Variants in CSMD1 observed in about 807,000 individuals in gnomAD.
The protein encoded by CSMD1 is CUB and sushi domain-containing protein 1.
Under a neutral mutation model 417.5 loss-of-function variants are expected in CSMD1, and 213 were observed. The ratio of observed to expected loss-of-function variants is 0.51; its 90% confidence interval spans 0.46 to 0.57. The LOEUF (loss-of-function observed/expected upper bound fraction) is 0.57. Among genes scored for constraint, CSMD1 ranks in the 20% least tolerant of loss-of-function variants. CSMD1 has a pLI of 0.00. For missense variants in CSMD1, 6,923 were observed against 4,529.7 expected, an observed-to-expected ratio of 1.53 and a Z score of -15.17; for synonymous variants, 2,862 against 1,736.8, an observed-to-expected ratio of 1.65 and a Z score of -16.11.
chr8:3,650,661 A>G (rs1260576529), intron 7 of CSMD1, among the ~76,000 whole-genome samples: 3 of 152,354 alleles, frequency 2.0e-5, no homozygotes, highest in South Asian at 2.1e-4. Context: ...CCATCACGCT[A>G]TGAGAACTGT....
At chr8:3,046,350 A>G (rs1811442191) in intron 50 of CSMD1, among the ~76,000 whole-genome samples, 1 of 152,028 alleles carries the variant, frequency 6.6e-6, no homozygotes, top group South Asian at 2.1e-4. Context: ...GTTACAGGAG[A>G]TACCTGTACG....
At chr8:3,610,812 G>A (rs1341182112) in intron 8 of CSMD1, among the ~76,000 whole-genome samples, 3 of 152,058 alleles carry the variant, frequency 2.0e-5, no homozygotes, top group Non-Finnish European at 2.9e-5. Context: ...TGGAATTTTA[G>A]AAGGTCTGTG....
intron 36 of CSMD1, among the ~76,000 whole-genome samples, chr8:3,182,709 TTA>T: frequency 1.0e-5 from 1 of 95,900 alleles, no homozygotes; most frequent in Non-Finnish European, 2.2e-5. Flanking sequence ...GTGTGTATTG[TTA>T]GTAGAGAAGG....
chr8:3,912,783 C>T (rs981150430), intron 5 of CSMD1, among the ~76,000 whole-genome samples: 3 of 152,158 alleles, frequency 2.0e-5, no homozygotes. Flanking sequence ...CACACGAAGG[C>T]ATGCAATGCT....
chr8:4,228,577 T>A (rs1308782882), intron 3 of CSMD1, among the ~76,000 whole-genome samples: 1 of 144,208 alleles, frequency 6.9e-6, no homozygotes, highest in Non-Finnish European at 1.5e-5. Context: ...GCAATTCTCT[T>A]CTCTGTCAGA....
intron 5 of CSMD1, among the ~76,000 whole-genome samples, chr8:3,957,245 G>T (rs55843326): frequency 6.6e-6 from 1 of 152,186 alleles, no homozygotes; most frequent in Non-Finnish European, 1.5e-5. Context: ...GACAGTCTTT[G>T]TGTGTAGGTT....
At chr8:3,964,953 T>A (rs891910721) in intron 5 of CSMD1, among the ~76,000 whole-genome samples, 5 of 152,156 alleles carry the variant, frequency 3.3e-5, no homozygotes, top group Non-Finnish European at 7.3e-5. Flanking sequence ...TTTATCCTCG[T>A]CATGTAATTC....
chr8:4,781,965 A>G (rs1797171544), intron 1 of CSMD1, among the ~76,000 whole-genome samples: 1 of 152,228 alleles, frequency 6.6e-6, no homozygotes, highest in African/African-American at 2.4e-5. Context: ...TGACAATAAA[A>G]TAAACTCTGA....
In CSMD1 at chr8:3,292,553, G is replaced by C. The variant is rs1414604903; in HGVS notation, c.3951-8207C>G. 2.0e-5 allele frequency among the ~76,000 whole-genome samples: 3 copies of C among 152,292 alleles called. No homozygotes were observed. In the East Asian group the frequency reaches 5.8e-4, roughly 29 times the overall value. ...ATATTTAGGAGAGCTAGCTTTTCTT[G>C]TTGAATTGATCCCTTTACCATTATG... On this transcript the variant is annotated intron_variant, in intron 25 of 69. Coordinates refer to ENST00000635120, the MANE Select transcript of CSMD1 (RefSeq NM_033225.6).
At chr8:3,676,065 T>C (rs1799358999) in intron 7 of CSMD1, among the ~76,000 whole-genome samples, 1 of 152,244 alleles carries the variant, frequency 6.6e-6, no homozygotes. Context: ...ATCATTTGAT[T>C]AGCACCTGTA....
chr8:3,720,025 T>A (rs1036932266), intron 6 of CSMD1, among the ~76,000 whole-genome samples: 1 of 152,188 alleles, frequency 6.6e-6, no homozygotes, highest in Non-Finnish European at 1.5e-5. Context: ...CCTAGTGCAA[T>A]GTCTAGCCTG....
intron 5 of CSMD1, among the ~76,000 whole-genome samples, chr8:3,757,068 G>C (rs925061407): frequency 2.2e-4 from 34 of 152,292 alleles, no homozygotes; most frequent in African/African-American, 8.2e-4. Flanking sequence ...CTCTCAGAGT[G>C]CTGGGATTAC....
At chr8:4,409,065 T>G (rs1420101566) in intron 3 of CSMD1, among the ~76,000 whole-genome samples, 1 of 152,190 alleles carries the variant, frequency 6.6e-6, no homozygotes, top group Non-Finnish European at 1.5e-5. Context: ...GGCATTGAAT[T>G]TATTGGATAG....
At chr8:4,944,620 C>G (rs944740581) in intron 1 of CSMD1, among the ~76,000 whole-genome samples, 1 of 152,102 alleles carries the variant, frequency 6.6e-6, no homozygotes, top group Non-Finnish European at 1.5e-5. Flanking sequence ...AAAATGTATG[C>G]GGACTGGCCA....
intron 1 of CSMD1, among the ~76,000 whole-genome samples, chr8:4,718,842 A>G (rs979931410): frequency 2.0e-5 from 3 of 152,056 alleles, no homozygotes; most frequent in Non-Finnish European, 4.4e-5. Context: ...TAAAGATATA[A>G]TACTCCCTAA....
intron 12 of CSMD1, among the ~76,000 whole-genome samples, chr8:3,453,069 T>C (rs543017531): frequency 6.6e-6 from 1 of 152,364 alleles, no homozygotes; most frequent in East Asian, 1.9e-4. Flanking sequence ...TCGAGGAATT[T>C]ATCCATTTCT....
In CSMD1 at chr8:3,448,041, C is replaced by G. The variant is rs145890815; in HGVS notation, c.1561+20671G>C. Among the ~76,000 whole-genome samples, 1,053 of 152,086 alleles carry G rather than the reference C, an allele frequency of 6.9e-3. 13 individuals are homozygous for G. Among genetic ancestry groups the G allele is most frequent in the African/African-American group, 0.024 (995 of 41,496 alleles). ...CTCCTAACCCTGGATACAAACAAGC[C>G]TCTTGTGTCATACACAGGATTTCTA... On this transcript the variant is annotated intron_variant, in intron 12 of 69. Coordinates refer to ENST00000635120, the MANE Select transcript of CSMD1 (RefSeq NM_033225.6).
At chr8:3,118,767 A>G (rs531051644) in intron 41 of CSMD1, among the ~76,000 whole-genome samples, 180 bp from the exon 42 acceptor site, 1 of 152,234 alleles carries the variant, frequency 6.6e-6, no homozygotes, top group Non-Finnish European at 1.5e-5. Context: ...TAGTAGTAGT[A>G]GAATCATAAC....
intron 1 of CSMD1, among the ~76,000 whole-genome samples, chr8:4,711,971 A>G (rs888121184): frequency 2.0e-5 from 3 of 152,206 alleles, no homozygotes; most frequent in African/African-American, 7.2e-5. Flanking sequence ...TACAGTTTTA[A>G]ACTCAAGTCA....
Sources: gnomAD v4.1 joint callset for allele counts (sites outside exome capture counted in the v4.1 genomes callset) on GRCh38, gnomAD v4.1.1 for gene constraint, MANE v1.5 for transcripts, NCBI Gene and HGNC (gene_info 2026-07-23, HGNC 2026-07-21) for gene names.